The following SULT1B1 variants were observed in gnomAD, a reference collection of about 807,000 sequenced individuals.
SULT1B1 encodes sulfotransferase 1B1.
Under a neutral mutation model 34.6 loss-of-function variants are expected in SULT1B1, and 28 were observed. The ratio of observed to expected loss-of-function variants is 0.81; its 90% confidence interval spans 0.60 to 1.11. SULT1B1 has a LOEUF of 1.11. Among genes scored for constraint, SULT1B1 ranks in the 50% least tolerant of loss-of-function variants. The pLI is 0.00. For missense variants in SULT1B1, 374 were observed against 352.2 expected (o/e 1.06, Z -0.50); for synonymous variants, 147 against 110.2 (o/e 1.33, Z -2.09).
chr4:69,734,570 T>C (rs563131344), intron 4 of SULT1B1, among the ~76,000 whole-genome samples: 1 of 152,256 alleles, frequency 6.6e-6, no homozygotes, highest in African/African-American at 2.4e-5. Flanking sequence ...TGCAAGGTCC[T>C]AGAACACACA....
intron 4 of SULT1B1, among the ~76,000 whole-genome samples, chr4:69,736,051 G>A (rs142453823): frequency 6.6e-6 from 1 of 152,170 alleles, no homozygotes. Flanking sequence ...GGGAGAGGGA[G>A]AGCACAGCAA....
rs927193160 is a variant in SULT1B1 at position 69,749,713 on chromosome 4, G to A, written c.375+8C>T. On this transcript the variant is annotated splice_region_variant and intron_variant, in intron 4 of 7. Transcript: ENST00000310613. The stretch of plus-strand genomic sequence containing the variant: ...TACTAAAAAACTGACATGGAGTCTG[G>A]AGTATACCTTGCAATTGTTTTCCCA... 1.9e-6 allele frequency: 3 copies of A among 1,602,514 alleles called. No homozygotes were observed. In the African/African-American group the frequency reaches 4.0e-5, roughly 21 times the overall value.
Position 69,749,743 on chromosome 4 carries a change from G to T in SULT1B1, c.353C>A (p.Ser118Tyr). The T allele has an allele frequency of 6.2e-7, 1 of 1,613,560 alleles. No homozygotes were observed. The highest frequency in any genetic ancestry group is 8.5e-7 in the Non-Finnish European group (1 of 1,179,600). Residue 118 changes from serine to tyrosine, a missense_variant, in exon 4 of 8, where the codon TCT (serine) becomes TAT (tyrosine). Physicochemically the swap from Ser to Tyr is moderately radical, Grantham distance 144 (BLOSUM62 -2). Transcript: ENST00000310613. ...THLPTDLLPK[S>Y]FWENNCKMIY... is the part of the protein sequence containing the mutation. ...TACCTTGCAATTGTTTTCCCAGAAA[G>T]ATTTAGGAAGAAGATCAGTCGGTAG...
Position 69,723,028 on chromosome 4 carries a change from T to C in SULT1B1, c.*4060A>G, listed in dbSNP as rs1392001234. 1 of 151,840 alleles carries C rather than the reference T, an allele frequency of 6.6e-6. No individual in the cohort carries two copies. Among genetic ancestry groups the C allele is most frequent in the African/African-American group, 2.4e-5 (1 of 41,326 alleles). 9.4% of individuals were successfully genotyped at this position (151,840 alleles called of 1,614,324 possible). A position where few individuals can be genotyped will look rare whatever the true frequency, so the allele number is the denominator to read the frequency against. ...CCAAGCTGGAGTTAAGATCAGAGCA[T>C]AACTGAAGGAGACAAAGACACAAAA... On this transcript the variant is annotated 3_prime_UTR_variant, in exon 8 of 8. Transcript: ENST00000310613.
chr4:69,744,282 C>A (rs528977451), intron 4 of SULT1B1, among the ~76,000 whole-genome samples: 1 of 152,174 alleles, frequency 6.6e-6, no homozygotes, highest in Non-Finnish European at 1.5e-5. Context: ...CTCTGTGTTT[C>A]CCCTCAGCGG....
intron 4 of SULT1B1, among the ~76,000 whole-genome samples, chr4:69,734,657 A>T (rs76085895): frequency 0.049 from 7,518 of 152,174 alleles, 246 homozygotes; most frequent in East Asian, 0.092. Context: ...AAAAAATAAA[A>T]GTTTTCACTT....
In SULT1B1 at chr4:69,730,497, T is replaced by G; in HGVS notation, c.778+4A>C. 1 of 1,595,674 alleles carries G rather than the reference T, an allele frequency of 6.3e-7. No homozygotes were observed. The highest frequency in any genetic ancestry group is 8.6e-7 in the Non-Finnish European group (1 of 1,165,592). On this transcript the variant is annotated splice_donor_region_variant and intron_variant, in intron 7 of 7. Coordinates refer to ENST00000310613, the MANE Select transcript of SULT1B1 (RefSeq NM_014465.4). ...AGGGAAATTAAACCCAGCAAAGTAT[T>G]TACCTTTACGCATAAAAGGGGATTT...
chr4:69,735,869 G>A (rs1277824932), intron 4 of SULT1B1, among the ~76,000 whole-genome samples: 1 of 152,124 alleles, frequency 6.6e-6, no homozygotes, highest in Non-Finnish European at 1.5e-5. Context: ...CACACAGAAA[G>A]TACCTTCATG....
rs886147045 is a variant in SULT1B1, at chr4:69,722,093, A to T, written c.*4995T>A. On this transcript the variant is annotated 3_prime_UTR_variant, in exon 8 of 8. Transcript: ENST00000310613. ...GAGGAATTAGGATAGTGACATTTGC[A>T]TCATAGAATAAATATATAAGAGGCA... The T allele has an allele frequency of 2.6e-5, 4 of 152,144 alleles. No homozygotes were observed. The highest frequency in any genetic ancestry group is 9.6e-5 in the African/African-American group (4 of 41,462). 9.4% of individuals were successfully genotyped at this position (152,144 alleles called of 1,614,324 possible).
chr4:69,724,132 T>G lies in SULT1B1; in HGVS notation c.*2956A>C, dbSNP rs1717735631. On this transcript the variant is annotated 3_prime_UTR_variant, in exon 8 of 8. Coordinates refer to ENST00000310613, the MANE Select transcript of SULT1B1 (RefSeq NM_014465.4). ...ATTGTATATGTAGAAAACCCCATTG[T>G]CTCAGCCCAAAATCTCCTTAAGCTG... The G allele has an allele frequency of 6.6e-6, 1 of 152,206 alleles. No homozygotes were observed. The highest frequency in any genetic ancestry group is 1.5e-5 in the Non-Finnish European group (1 of 68,038). 9.4% of individuals were successfully genotyped at this position (152,206 alleles called of 1,614,324 possible). A position where few individuals can be genotyped will look rare whatever the true frequency, so the allele number is the denominator to read the frequency against.
At chr4:69,733,668 T>C (rs1394038) in intron 5 of SULT1B1, among the ~76,000 whole-genome samples, 161 bp from the exon 6 acceptor site, 44,593 of 151,858 alleles carry the variant, frequency 0.29, 7,603 homozygotes, top group South Asian at 0.45. Context: ...TATGGATATA[T>C]AAACATCAGA....
intron 7 of SULT1B1, among the ~76,000 whole-genome samples, chr4:69,728,537 T>A (rs1717928802): frequency 6.6e-6 from 1 of 152,010 alleles, no homozygotes; most frequent in Admixed American, 6.6e-5. Flanking sequence ...TACCTTTGAA[T>A]CTTTTAAAGA....
Position 69,722,827 on chromosome 4 carries a change from A to G in SULT1B1, c.*4261T>C, listed in dbSNP as rs1717697902. ...CATAGCTACCTCAGTTGTGGCTCAG[A>G]AAGTCTAACAGTATGTCCAAAACCA... On this transcript the variant is annotated 3_prime_UTR_variant, in exon 8 of 8. Transcript: ENST00000310613. 1 of 151,986 alleles carries G rather than the reference A, an allele frequency of 6.6e-6. No homozygotes were observed. Among genetic ancestry groups the G allele is most frequent in the Non-Finnish European group, 1.5e-5 (1 of 67,970 alleles). The allele number at this position is 151,986 out of a possible 1,614,324, so 9.4% of individuals were successfully genotyped here.
chr4:69,722,193 T>A lies in SULT1B1; in HGVS notation c.*4895A>T, dbSNP rs545313340. On this transcript the variant is annotated 3_prime_UTR_variant, in exon 8 of 8. Coordinates refer to ENST00000310613, the MANE Select transcript of SULT1B1 (RefSeq NM_014465.4). The stretch of plus-strand genomic sequence containing the variant: ...ACTCTTCACTCAGTGCATAGAAACA[T>A]ACCTGAGGCATAATTACAACTTACT... 6.6e-6 allele frequency: 1 copy of A among 152,158 alleles called. No individual in the cohort carries two copies. The highest frequency in any genetic ancestry group is 2.1e-4 in the South Asian group (1 of 4,838). The allele number at this position is 152,158 out of a possible 1,614,324, so 9.4% of individuals were successfully genotyped here. A position where few individuals can be genotyped will look rare whatever the true frequency, so the allele number is the denominator to read the frequency against.
At chr4:69,755,348 C>T in intron 1 of SULT1B1, 87 bp from the exon 2 acceptor site, 2 of 1,034,272 alleles carry the variant, frequency 1.9e-6, no homozygotes, top group Non-Finnish European at 1.4e-6. Flanking sequence ...GTAAAATTGG[C>T]CTTTAACATT....
intron 7 of SULT1B1, among the ~76,000 whole-genome samples, chr4:69,727,605 C>G (rs900044549): frequency 6.6e-6 from 1 of 151,726 alleles, no homozygotes; most frequent in African/African-American, 2.4e-5. Context: ...GGAAACTAGA[C>G]AAAAAATTAG....
intron 4 of SULT1B1, among the ~76,000 whole-genome samples, chr4:69,747,501 C>T (rs1718796583): frequency 6.6e-6 from 1 of 152,200 alleles, no homozygotes; most frequent in Non-Finnish European, 1.5e-5. Context: ...TCAGATCAGA[C>T]TGGCCCAGGC....
In SULT1B1 at chr4:69,727,010, C is replaced by T; in HGVS notation, c.*78G>A. On this transcript the variant is annotated 3_prime_UTR_variant, in exon 8 of 8. Coordinates refer to ENST00000310613, the MANE Select transcript of SULT1B1 (RefSeq NM_014465.4). ...TCCTTTATAAATTCATTTGATTGCC[C>T]AAATCAATTCATAACTGCCCTCGTT... 1.0e-6 allele frequency: 1 copy of T among 1,002,200 alleles called. No individual in the cohort carries two copies. Among genetic ancestry groups the T allele is most frequent in the Non-Finnish European group, 1.4e-6 (1 of 694,124 alleles). 62.1% of individuals were successfully genotyped at this position (1,002,200 alleles called of 1,614,324 possible).
chr4:69,757,902 G>T (rs953374090), intron 1 of SULT1B1, among the ~76,000 whole-genome samples: 1 of 152,192 alleles, frequency 6.6e-6, no homozygotes, highest in African/African-American at 2.4e-5. Flanking sequence ...TGGAGAAGCA[G>T]TCTCAAAATA....
Sources: gnomAD v4.1 joint callset for allele counts (sites outside exome capture counted in the v4.1 genomes callset) on GRCh38, gnomAD v4.1.1 for gene constraint, MANE v1.5 for transcripts, NCBI Gene and HGNC (gene_info 2026-07-23, HGNC 2026-07-21) for gene names.